SMYD5: variants seen among roughly 807,000 people sequenced by gnomAD.
SMYD5 encodes SMYD family member 5, also known as protein-lysine N-trimethyltransferase SMYD5.
Under a neutral mutation model 57.4 loss-of-function variants are expected in SMYD5, and 35 were observed. The observed-to-expected ratio is 0.61, with a 90% CI of 0.47 to 0.81. The LOEUF (loss-of-function observed/expected upper bound fraction) is 0.81, where lower values mean the gene tolerates loss of function less well. SMYD5 is among the 30% of genes least tolerant of loss of function. SMYD5 has a pLI of 0.00. For missense variants in SMYD5, 471 were observed against 527.9 expected, an observed-to-expected ratio of 0.89 and a Z score of 1.06; for synonymous variants, 198 against 189.7, an observed-to-expected ratio of 1.04 and a Z score of -0.36.
intron 1 of SMYD5, 117 bp downstream of exon 1, chr2:73,214,479 T>C: frequency 1.3e-6 from 2 of 1,531,772 alleles, no homozygotes; most frequent in Middle Eastern, 2.3e-4. Flanking sequence ...GCTACGGCCC[T>C]GCCCCTGCTC....
At chr2:73,216,070 T>C (rs1443813151) in intron 1 of SMYD5, among the ~76,000 whole-genome samples, 2 of 152,214 alleles carry the variant, frequency 1.3e-5, no homozygotes, top group Non-Finnish European at 2.9e-5. Context: ...TTTTGACTAC[T>C]GTTTATTGCT....
In SMYD5 at chr2:73,225,865, AGAAGAG is replaced by A. The variant is rs763424534; in HGVS notation, c.1191_1196del (p.Glu402_Glu403del). 4.2e-4 allele frequency: 671 copies of A among 1,614,202 alleles called. No individual in the cohort carries two copies. The highest frequency in any genetic ancestry group is 6.6e-4 in the South Asian group (60 of 91,080). On this transcript the variant is annotated inframe_deletion, in exon 13 of 13. Coordinates refer to ENST00000389501, the MANE Select transcript of SMYD5 (RefSeq NM_006062.3). ...AGGCTGATGAACCCAATGTGACCTC[AGAAGAG>A]GAAGAGGAAGAGGAGGAGGAGGAGG... is the stretch of plus-strand genomic sequence containing the variant.
At chr2:73,219,015 A>G (rs760370603) in intron 2 of SMYD5, 46 bp downstream of exon 2, 11 of 1,395,224 alleles carry the variant, frequency 7.9e-6, no homozygotes, top group African/African-American at 5.6e-5. Context: ...GTCTTTGTGC[A>G]TGGAAGTGAG....
At chr2:73,219,597 G>C (rs1686348210) in intron 2 of SMYD5, among the ~76,000 whole-genome samples, 1 of 152,190 alleles carries the variant, frequency 6.6e-6, no homozygotes, top group African/African-American at 2.4e-5. Context: ...GGCTAGGCTG[G>C]TCTTGAACTC....
chr2:73,222,438 C>A (rs1179849505), intron 6 of SMYD5, among the ~76,000 whole-genome samples: 3 of 152,136 alleles, frequency 2.0e-5, no homozygotes, highest in Non-Finnish European at 4.4e-5. Flanking sequence ...AGTGGGAGAG[C>A]CCAGCTGGTC....
At chr2:73,220,519 C>A in intron 3 of SMYD5, 142 bp from the exon 4 acceptor site, 1 of 1,003,414 alleles carries the variant, frequency 1.0e-6, no homozygotes, top group Non-Finnish European at 1.4e-6. Flanking sequence ...GTGCCTTTCA[C>A]ATATCCCCAG....
chr2:73,218,835 GCCATCCTAT>G lies in SMYD5; in HGVS notation c.97-23_97-15del, dbSNP rs992828640. On this transcript the variant is annotated splice_polypyrimidine_tract_variant and intron_variant, in intron 1 of 12. Coordinates refer to ENST00000389501, the MANE Select transcript of SMYD5 (RefSeq NM_006062.3). Reference sequence around the variant, plus strand: ...GCTATGTCTTCTGTTCCTTTTTATGGCCATCCTATCCCTCTGCCCTCTCAGGGAAAGGGG... The same window carrying G: ...GCTATGTCTTCTGTTCCTTTTTATGGCCCTCTGCCCTCTCAGGGAAAGGGG... The G allele has an allele frequency of 6.4e-7, 1 of 1,550,544 alleles. No individual in the cohort carries two copies. The highest frequency in any genetic ancestry group is 1.4e-5 in the African/African-American group (1 of 73,596).
At chr2:73,214,878 C>T in intron 1 of SMYD5, 1 of 1,227,988 alleles carries the variant, frequency 8.1e-7, no homozygotes, top group Non-Finnish European at 1.1e-6. Flanking sequence ...GTGATTTTGT[C>T]GTTTTTATTG....
In SMYD5 at chr2:73,222,794, C is replaced by T. The variant is rs754305532; in HGVS notation, c.682C>T (p.Leu228Phe). Reference sequence around the variant, plus strand: ...TCTGCGGAGACTCTTCACAGAGGCCCTCTATGAGGAAGCAGTCAGCCAGGT... The same window carrying T: ...TCTGCGGAGACTCTTCACAGAGGCCTTCTATGAGGAAGCAGTCAGCCAGGT... The part of the protein sequence containing the change: ...ELLRRLFTEA[L>F]YEEAVSQWFT... The change falls in exon 7 of 13, where the codon CTC (leucine) becomes TTC (phenylalanine). Residue 228 changes from leucine (L) to phenylalanine (F), a missense_variant. Coordinates refer to ENST00000389501, the MANE Select transcript of SMYD5 (RefSeq NM_006062.3). The T allele has an allele frequency of 6.2e-7, 1 of 1,613,864 alleles. No individual in the cohort carries two copies. The highest frequency in any genetic ancestry group is 8.5e-7 in the Non-Finnish European group (1 of 1,179,894).
At chr2:73,214,486 G>C in intron 1 of SMYD5, 124 bp downstream of exon 1, 12 of 1,515,250 alleles carry the variant, frequency 7.9e-6, no homozygotes, top group South Asian at 1.3e-5. Flanking sequence ...CCCTGCCCCT[G>C]CTCGCGGCCC....
chr2:73,224,346 G>T (rs1574342444), intron 10 of SMYD5, among the ~76,000 whole-genome samples: 1 of 152,162 alleles, frequency 6.6e-6, no homozygotes, highest in South Asian at 2.1e-4. Context: ...AGTACTGGGA[G>T]CCCAGGCTAC....
chr2:73,227,083 C>T lies in SMYD5; in HGVS notation c.*1137C>T, dbSNP rs935891203. 1 of 152,832 alleles carries T rather than the reference C, an allele frequency of 6.5e-6. No individual in the cohort carries two copies. The highest frequency in any genetic ancestry group is 1.5e-5 in the Non-Finnish European group (1 of 68,164). The allele number at this position is 152,832 out of a possible 1,614,324, so 9.5% of individuals were successfully genotyped here. ...ATCCCAGAGAGGGCAGGTGCCCACC[C>T]CACAGGCCCTTTCCTGGACCATGGA... is the stretch of plus-strand genomic sequence containing the variant. On this transcript the variant is annotated 3_prime_UTR_variant, in exon 13 of 13. Coordinates refer to ENST00000389501, the MANE Select transcript of SMYD5 (RefSeq NM_006062.3).
intron 11 of SMYD5, chr2:73,225,232 G>A (rs75299406): frequency 0.064 from 31,108 of 485,330 alleles, 1,293 homozygotes; most frequent in African/African-American, 0.14. Flanking sequence ...GTCAAATGCA[G>A]ATATGTAATT....
chr2:73,220,077 G>A lies in SMYD5; in HGVS notation c.232G>A (p.Glu78Lys). The A allele has an allele frequency of 6.2e-7, 1 of 1,614,230 alleles. No individual in the cohort carries two copies. The highest frequency in any genetic ancestry group is 8.5e-7 in the Non-Finnish European group (1 of 1,180,038). The change falls in exon 3 of 13, where the codon GAG becomes AAG. Residue 78 changes from glutamate (E) to lysine (K), a missense_variant. Physicochemically the swap from Glu to Lys is moderately conservative, Grantham distance 56 (BLOSUM62 1). Transcript: ENST00000389501. ...CTGTGACCACTGCCTTAGGGCACTA[G>A]AGAAGGCAGAGGAGAATGCCCAGAG... The part of the protein sequence containing the change: ...RACDHCLRAL[E>K]KAEENAQRLT...
Position 73,221,382 on chromosome 2 carries a change from A to C in SMYD5, c.537+148A>C, listed in dbSNP as rs556022445. ...GAGCTCCTTGCTATGTAAAACCTTC[A>C]GAATGCACTCTGAAGGCATAGGGAG... On this transcript the variant is annotated intron_variant, in intron 5 of 12. Transcript: ENST00000389501. 1.4e-5 allele frequency: 9 copies of C among 648,158 alleles called. No homozygotes were observed. In the East Asian group the frequency reaches 2.5e-4, roughly 18 times the overall value. 40.2% of individuals were successfully genotyped at this position (648,158 alleles called of 1,614,324 possible). A position where few individuals can be genotyped will look rare whatever the true frequency, so the allele number is the denominator to read the frequency against.
At chr2:73,223,292 T>A in intron 8 of SMYD5, 134 bp from the exon 9 acceptor site, 3 of 811,202 alleles carry the variant, frequency 3.7e-6, no homozygotes, top group Non-Finnish European at 6.3e-6. Context: ...TTGGGGAAGA[T>A]GGGCCCCCAC....
intron 6 of SMYD5, 131 bp downstream of exon 6, chr2:73,222,061 C>T (rs1686407574): frequency 4.7e-6 from 3 of 638,996 alleles, no homozygotes; most frequent in East Asian, 5.6e-5. Context: ...GTCCAGAAAT[C>T]GATTCAGAGG....
In SMYD5 at chr2:73,219,841, G is replaced by A. The variant is rs149174905; in HGVS notation, c.206-210G>A. 78 of 672,584 alleles carry A rather than the reference G, an allele frequency of 1.2e-4. No individual in the cohort carries two copies. In the East Asian group the frequency reaches 2.1e-3, roughly 18 times the overall value. 41.7% of individuals were successfully genotyped at this position (672,584 alleles called of 1,614,324 possible). ...ATAAGGGCCAGGAGGTCCTTGAGAG[G>A]GAGGAGGGGATCATCTGCCTTGGGA... On this transcript the variant is annotated intron_variant, in intron 2 of 12. Transcript: ENST00000389501.
chr2:73,223,276 C>T, intron 8 of SMYD5, 150 bp from the exon 9 acceptor site: 1 of 819,910 alleles, frequency 1.2e-6, no homozygotes, highest in South Asian at 1.5e-5. Context: ...TTTTGGGGAG[C>T]CTCTGTTGGG....
Sources: allele counts gnomAD v4.1 joint callset (sites outside exome capture counted in the v4.1 genomes callset), GRCh38; gene constraint gnomAD v4.1.1; transcripts MANE v1.5; gene names NCBI Gene and HGNC (gene_info 2026-07-23, HGNC 2026-07-21).